The following TRAK2 variants were observed in gnomAD, a reference collection of about 807,000 sequenced individuals.
The protein encoded by TRAK2 is trafficking kinesin-binding protein 2.
In TRAK2, 81 loss-of-function variants were observed where a neutral mutation model predicts 104.6. That is an observed-to-expected ratio of 0.77 (90% confidence interval 0.65 to 0.93). TRAK2 has a LOEUF of 0.93. Ranked by LOEUF, TRAK2 falls within the 40% of genes least tolerant of loss-of-function variation. TRAK2 has a pLI of 0.00. For missense variants in TRAK2, 1,002 were observed against 1,089.0 expected (o/e 0.92, Z 1.12); for synonymous variants, 406 against 394.4 (o/e 1.03, Z -0.35).
At position 201,420,558 on chromosome 2, in the gene TRAK2, G is replaced by T; in HGVS notation, c.-51C>A. The T allele has an allele frequency of 7.0e-7, 1 of 1,438,252 alleles. No individual in the cohort carries two copies. The allele number at this position is 1,438,252 out of a possible 1,614,324, so 89.1% of individuals were successfully genotyped here. On this transcript the variant is annotated 5_prime_UTR_variant, in exon 2 of 16. In the 5' UTR this introduces an upstream ATG that the reference lacks. Coordinates refer to ENST00000332624, the MANE Select transcript of TRAK2 (RefSeq NM_015049.3). ...AGAAGGACAGCTTTGGTATGAATCA[G>T]AGTAAAGGAAATCCATCAAGCCATT...
chr2:201,385,928 G>A (rs1395968536), intron 14 of TRAK2, among the ~76,000 whole-genome samples: 1 of 152,090 alleles, frequency 6.6e-6, no homozygotes, highest in East Asian at 1.9e-4. Context: ...GCACAGATAG[G>A]CTCTCTGGAA....
At chr2:201,382,248 C>A (rs978191895) in intron 15 of TRAK2, among the ~76,000 whole-genome samples, 1 of 152,164 alleles carries the variant, frequency 6.6e-6, no homozygotes, top group Non-Finnish European at 1.5e-5. Context: ...AGAGATGGTA[C>A]TTCTTTAGCC....
intron 1 of TRAK2, among the ~76,000 whole-genome samples, chr2:201,439,762 T>G (rs1951904903): frequency 6.6e-6 from 1 of 150,884 alleles, no homozygotes; most frequent in Non-Finnish European, 1.5e-5. Context: ...CCATAAAAAA[T>G]GATGAGTTCA....
chr2:201,386,930 T>C (rs924223520), intron 13 of TRAK2, among the ~76,000 whole-genome samples: 5 of 152,186 alleles, frequency 3.3e-5, no homozygotes, highest in Non-Finnish European at 5.9e-5. Flanking sequence ...AAGGAGGATA[T>C]GTTCTACTGG....
In TRAK2 at chr2:201,420,623, T is replaced by C. The variant is rs868460080; in HGVS notation, c.-116A>G. ...ATTTGGTCACATGGATATTTTCTTT[T>C]AGACAGATTTTCTCTGATGAGTCAA... On this transcript the variant is annotated 5_prime_UTR_variant, in exon 2 of 16. Coordinates refer to ENST00000332624, the MANE Select transcript of TRAK2 (RefSeq NM_015049.3). 3.3e-5 allele frequency: 27 copies of C among 824,786 alleles called. No homozygotes were observed. The Middle Eastern group carries it at 1.1e-3, about 35-fold the overall frequency. 51.1% of individuals were successfully genotyped at this position (824,786 alleles called of 1,614,324 possible).
intron 1 of TRAK2, chr2:201,433,495 C>G (rs1188051696): frequency 1.3e-5 from 2 of 152,186 alleles, no homozygotes; most frequent in East Asian, 3.8e-4. Flanking sequence ...GCTGTTAAAT[C>G]CATTCGTTTA....
At chr2:201,385,766 C>G (rs898154535) in intron 14 of TRAK2, among the ~76,000 whole-genome samples, 4 of 152,144 alleles carry the variant, frequency 2.6e-5, no homozygotes, top group African/African-American at 4.8e-5. Flanking sequence ...AAATTAGAGA[C>G]TTGAACAACT....
chr2:201,407,478 G>C lies in TRAK2; in HGVS notation c.211C>G (p.Gln71Glu), dbSNP rs149770544. 122 of 1,614,026 alleles carry C rather than the reference G, an allele frequency of 7.6e-5. 1 individual carries two copies. The highest frequency in any genetic ancestry group is 1.1e-5 in the Non-Finnish European group (13 of 1,180,014). The change falls in exon 3 of 16, where the codon CAG (glutamine) becomes GAG (glutamate). Residue 71 changes from glutamine to glutamate, a missense_variant. Physicochemically the swap from Gln to Glu is conservative, Grantham distance 29. Transcript: ENST00000332624. ...LFLYENQDWT[Q>E]SPHQRQHASD... ...GCATGCTGCCGCTGGTGTGGAGACTGAGTCCAGTCTTGATTTTCATATAGA... is the reference window on the plus strand; with the variant it reads ...GCATGCTGCCGCTGGTGTGGAGACTCAGTCCAGTCTTGATTTTCATATAGA...
At chr2:201,436,160 A>C (rs1327868749) in intron 1 of TRAK2, among the ~76,000 whole-genome samples, 1 of 152,174 alleles carries the variant, frequency 6.6e-6, no homozygotes, top group East Asian at 1.9e-4. Context: ...AGGAAAAAAA[A>C]CAAGTATAGG....
chr2:201,414,911 G>C (rs1009190942), intron 2 of TRAK2, among the ~76,000 whole-genome samples: 1 of 43,450 alleles, frequency 2.3e-5, no homozygotes, highest in Non-Finnish European at 9.2e-5. Context: ...TTCTAGACTA[G>C]AATAATTCCC....
chr2:201,412,600 AT>A (rs1180864765), intron 2 of TRAK2: 7 of 1,496,720 alleles, frequency 4.7e-6, no homozygotes, highest in Non-Finnish European at 3.7e-6. Flanking sequence ...CACATAAAGT[AT>A]GTATTCAGGA....
chr2:201,436,039 G>A (rs949019082), intron 1 of TRAK2, among the ~76,000 whole-genome samples: 2 of 151,896 alleles, frequency 1.3e-5, no homozygotes, highest in Non-Finnish European at 2.9e-5. Flanking sequence ...ACTTCACAAG[G>A]GCAGTTGCTG....
chr2:201,411,887 A>G (rs1951650278), intron 2 of TRAK2: 2 of 1,023,976 alleles, frequency 2.0e-6, no homozygotes, highest in Non-Finnish European at 3.1e-6. Flanking sequence ...TGGGTAGTCT[A>G]TAAGATTTGC....
At chr2:201,411,860 C>G in intron 2 of TRAK2, 1 of 919,422 alleles carries the variant, frequency 1.1e-6, no homozygotes, top group Non-Finnish European at 1.8e-6. Flanking sequence ...TTCTTGGTAT[C>G]AAAGTATGTT....
intron 2 of TRAK2, among the ~76,000 whole-genome samples, chr2:201,409,553 C>A (rs1951626074): frequency 6.6e-6 from 1 of 152,122 alleles, no homozygotes; most frequent in South Asian, 2.1e-4. Context: ...AATACATTAC[C>A]ATTTGAGGCA....
intron 15 of TRAK2, 124 bp downstream of exon 15, chr2:201,383,987 G>A: frequency 1.5e-6 from 1 of 681,098 alleles, no homozygotes; most frequent in Non-Finnish European, 2.5e-6. Flanking sequence ...ATATTCTAAA[G>A]ACACATTATC....
rs778619150 is a variant in TRAK2 at position 201,384,155 on chromosome 2, G to A, written c.2025C>T (p.Thr675=). ...SCTNSTFTFT[T]CRILHPSDIT... ...TGTCAGAGGGATGTAATATTCTACA[G>A]GTGGTGAAAGTGAATGTTGAGTTTG... is the stretch of plus-strand genomic sequence containing the variant. The change falls in exon 15 of 16, where the codon ACC becomes ACT. Residue 675 remains threonine, a synonymous_variant. Transcript: ENST00000332624. 1.4e-5 allele frequency: 23 copies of A among 1,613,488 alleles called. No homozygotes were observed. The South Asian group carries it at 2.4e-4, about 17-fold the overall frequency.
At position 201,386,406 on chromosome 2, in the gene TRAK2, ATGACACCTGG is replaced by A. The variant is rs926832411; in HGVS notation, c.1765_1774del (p.Pro589LeufsTer19). Reference sequence around the variant, plus strand: ...GGGCAACTGGGTAAAGCCTTTAGTAATGACACCTGGTCGTGGATCAAGGATGGTTCCCAAG... The same window carrying A: ...GGGCAACTGGGTAAAGCCTTTAGTAATCGTGGATCAAGGATGGTTCCCAAG... On this transcript the variant is annotated frameshift_variant, in exon 14 of 16. Transcript: ENST00000332624. LOFTEE classifies it high-confidence loss of function. The A allele has an allele frequency of 1.2e-6, 2 of 1,614,084 alleles. No individual in the cohort carries two copies. Among genetic ancestry groups the A allele is most frequent in the Non-Finnish European group, 8.5e-7 (1 of 1,180,030 alleles).
intron 1 of TRAK2, among the ~76,000 whole-genome samples, chr2:201,438,520 C>T (rs1437106759): frequency 6.6e-6 from 1 of 152,154 alleles, no homozygotes; most frequent in Non-Finnish European, 1.5e-5. Context: ...AATTACTTGT[C>T]CATACTAAGA....
Sources: allele counts gnomAD v4.1 joint callset (sites outside exome capture counted in the v4.1 genomes callset), GRCh38; gene constraint gnomAD v4.1.1; transcripts MANE v1.5; gene names NCBI Gene and HGNC (gene_info 2026-07-23, HGNC 2026-07-21).